NDUFA10: variants seen among roughly 807,000 people sequenced by gnomAD.
NDUFA10 encodes NADH:ubiquinone oxidoreductase subunit A10, also known as NADH dehydrogenase [ubiquinone] 1 alpha subcomplex subunit 10, mitochondrial.
In NDUFA10, 40 loss-of-function variants were observed where a neutral mutation model predicts 47.8. The observed-to-expected ratio is 0.84, with a 90% CI of 0.65 to 1.09. NDUFA10 has a LOEUF of 1.09. NDUFA10 is among the 50% of genes least tolerant of loss of function. NDUFA10 has a pLI of 0.00. For missense variants in NDUFA10, 413 were observed against 451.1 expected, an observed-to-expected ratio of 0.92 and a Z score of 0.76; for synonymous variants, 183 against 172.2, an observed-to-expected ratio of 1.06 and a Z score of -0.49.
At chr2:239,955,258 C>T (rs925833649), downstream of NDUFA10, among the ~76,000 whole-genome samples, 1 of 152,124 alleles carries the variant, frequency 6.6e-6, no homozygotes, top group African/African-American at 2.4e-5. Flanking sequence ...ATTCTCTCCA[C>T]AAAACATGAA....
At chr2:239,974,426 A>G (rs1180869598) in intron 9 of NDUFA10, among the ~76,000 whole-genome samples, 1 of 152,062 alleles carries the variant, frequency 6.6e-6, no homozygotes, top group Non-Finnish European at 1.5e-5. Context: ...TCTAAGATCC[A>G]CTCTGCTGTG....
At chr2:239,973,620 T>C (rs1178048509) in intron 9 of NDUFA10, 3 of 470,360 alleles carry the variant, frequency 6.4e-6, no homozygotes, top group African/African-American at 2.0e-5. Context: ...GGGAGCACAG[T>C]ATCTTAACAG....
intron 6 of NDUFA10, among the ~76,000 whole-genome samples, chr2:240,010,226 T>C (rs1259019379): frequency 1.3e-5 from 2 of 152,242 alleles, no homozygotes; most frequent in African/African-American, 4.8e-5. Context: ...AGATAAGATC[T>C]ACTTTAACAA....
chr2:239,950,220 T>C (rs1273823762), intron 4 of NDUFA10, among the ~76,000 whole-genome samples: 4 of 152,142 alleles, frequency 2.6e-5, no homozygotes, highest in Non-Finnish European at 5.9e-5. Flanking sequence ...AGGCTGGCCC[T>C]GTTATAAAGA....
exon 6 of NDUFA10, chr2:239,892,450 T>C (rs577745824): frequency 6.6e-6 from 1 of 152,344 alleles, no homozygotes; most frequent in South Asian, 2.1e-4. Context: ...TGTTTTTGTT[T>C]TTAAAACATA....
chr2:239,898,857 T>A (rs1377718112), intron 4 of NDUFA10, among the ~76,000 whole-genome samples: 2 of 152,170 alleles, frequency 1.3e-5, no homozygotes, highest in Non-Finnish European at 1.5e-5. Context: ...GCTTACAGCA[T>A]GCCAGGCCTG....
downstream of NDUFA10, among the ~76,000 whole-genome samples, chr2:239,953,216 G>A (rs1343782321): frequency 1.3e-5 from 2 of 152,190 alleles, no homozygotes; most frequent in African/African-American, 2.4e-5. Context: ...GGCAGCAGGG[G>A]CCAGCAGAGA....
chr2:239,925,815 G>A (rs1694055176), intron 4 of NDUFA10, among the ~76,000 whole-genome samples: 1 of 152,128 alleles, frequency 6.6e-6, no homozygotes, highest in Non-Finnish European at 1.5e-5. Flanking sequence ...TCTCAACAAT[G>A]ATCAGCTCAG....
At chr2:239,982,153 C>T in intron 9 of NDUFA10, 2 of 1,612,860 alleles carry the variant, frequency 1.2e-6, no homozygotes, top group South Asian at 1.1e-5. Flanking sequence ...CTCCAAAGAC[C>T]AGTGAGAAGC....
intron 8 of NDUFA10, among the ~76,000 whole-genome samples, chr2:240,002,671 T>A (rs1444548140): frequency 6.6e-6 from 1 of 152,138 alleles, no homozygotes; most frequent in East Asian, 1.9e-4. Context: ...CAGTCTGACA[T>A]GAGGACCCCA....
chr2:239,962,432 T>C (rs4290687), intron 9 of NDUFA10, among the ~76,000 whole-genome samples: 111,833 of 152,058 alleles, frequency 0.74, 41,332 homozygotes, highest in African/African-American at 0.79. Context: ...GAACACACAA[T>C]GCATCCTATG....
intron 4 of NDUFA10, among the ~76,000 whole-genome samples, chr2:239,950,636 G>T (rs900035058): frequency 6.6e-6 from 1 of 152,214 alleles, no homozygotes; most frequent in African/African-American, 2.4e-5. Flanking sequence ...CAAACCAACT[G>T]CTGATTGAGC....
At chr2:239,901,379 A>G (rs1177799301) in intron 4 of NDUFA10, among the ~76,000 whole-genome samples, 1 of 152,058 alleles carries the variant, frequency 6.6e-6, no homozygotes, top group East Asian at 1.9e-4. Flanking sequence ...CTAGTAATAA[A>G]TGGAATAAGA....
intron 4 of NDUFA10, 150 bp from the exon 5 acceptor site, chr2:240,015,010 C>T: frequency 8.5e-7 from 1 of 1,171,390 alleles, no homozygotes; most frequent in Non-Finnish European, 1.2e-6. Flanking sequence ...CAGTTCTAAG[C>T]ACTGACCACA....
In NDUFA10 at chr2:239,961,079, G is replaced by A; in HGVS notation, c.*39C>T. 2 of 1,613,650 alleles carry A rather than the reference G, an allele frequency of 1.2e-6. No homozygotes were observed. The highest frequency in any genetic ancestry group is 2.2e-5 in the South Asian group (2 of 91,032). Reference sequence around the variant, plus strand: ...AGGAGAGTGCGGCTGATGCAGCTTGGCCATCACTGTGATGCAGCTGGAGCA... The same window carrying A: ...AGGAGAGTGCGGCTGATGCAGCTTGACCATCACTGTGATGCAGCTGGAGCA... On this transcript the variant is annotated 3_prime_UTR_variant, in exon 10 of 10. Coordinates refer to ENST00000252711, the MANE Select transcript of NDUFA10 (RefSeq NM_004544.4).
chr2:239,953,685 G>C (rs760943838), downstream of NDUFA10, among the ~76,000 whole-genome samples: 1 of 149,226 alleles, frequency 6.7e-6, no homozygotes, highest in Non-Finnish European at 1.5e-5. Flanking sequence ...GTGGGAAAAC[G>C]CAACAGGCAC....
chr2:240,008,698 C>G (rs1697033789), intron 6 of NDUFA10, among the ~76,000 whole-genome samples: 1 of 152,218 alleles, frequency 6.6e-6, no homozygotes, highest in Non-Finnish European at 1.5e-5. Flanking sequence ...CAGTTTCGTT[C>G]AACACACATA....
At chr2:239,951,606 G>T (rs1694553004) in intron 4 of NDUFA10, among the ~76,000 whole-genome samples, 1 of 152,224 alleles carries the variant, frequency 6.6e-6, no homozygotes, top group Non-Finnish European at 1.5e-5. Flanking sequence ...CTATGATGGA[G>T]GGGCGGCAGG....
At chr2:239,982,591 C>T (rs1411060586) in intron 9 of NDUFA10, among the ~76,000 whole-genome samples, 1 of 152,186 alleles carries the variant, frequency 6.6e-6, no homozygotes, top group Non-Finnish European at 1.5e-5. Flanking sequence ...CATACCTCCA[C>T]CTGCACACAT....
Sources: gnomAD v4.1 joint callset for allele counts (sites outside exome capture counted in the v4.1 genomes callset) on GRCh38, gnomAD v4.1.1 for gene constraint, MANE v1.5 for transcripts, NCBI Gene and HGNC (gene_info 2026-07-23, HGNC 2026-07-21) for gene names.